PACRGL: variants seen among roughly 807,000 people sequenced by gnomAD.
The protein encoded by PACRGL is parkin coregulated like.
A neutral mutation model predicts 34.5 loss-of-function variants in PACRGL; 38 were observed. That is an observed-to-expected ratio of 1.10 (90% CI 0.85 to 1.44). The LOEUF (loss-of-function observed/expected upper bound fraction) is 1.44. PACRGL is among the 40% of genes most tolerant of loss of function. The pLI is 0.00. For missense variants in PACRGL, 305 were observed against 281.4 expected, an observed-to-expected ratio of 1.08 and a Z score of -0.60; for synonymous variants, 128 against 100.1, an observed-to-expected ratio of 1.28 and a Z score of -1.66.
chr4:20,719,781 T>C (rs1423652099), intron 7 of PACRGL, among the ~76,000 whole-genome samples: 2 of 151,830 alleles, frequency 1.3e-5, no homozygotes, highest in African/African-American at 4.9e-5. Context: ...AAGTGTGATG[T>C]GGTGCTGAGA....
chr4:20,732,600 T>C (rs777796305), downstream of PACRGL: 63 of 854,872 alleles, frequency 7.4e-5, no homozygotes, highest in Non-Finnish European at 1.2e-4. Flanking sequence ...TTGCTCTCTT[T>C]TGAATCATCG....
At chr4:20,735,434 G>T (rs1028302108), downstream of PACRGL, among the ~76,000 whole-genome samples, 3 of 151,314 alleles carry the variant, frequency 2.0e-5, no homozygotes, top group East Asian at 5.8e-4. Context: ...GTAAGTTTTT[G>T]TTAAGTAAAT....
At chr4:20,734,793 A>ACAAAAAAAAC, downstream of PACRGL, 1 of 981,856 alleles carries the variant, frequency 1.0e-6, no homozygotes, top group East Asian at 2.5e-5. Context: ...AAAAACAAAA[A>ACAAAAAAAAC]AAACAAATGA....
chr4:20,722,246 G>C (rs1026545100), intron 7 of PACRGL, among the ~76,000 whole-genome samples: 4 of 152,232 alleles, frequency 2.6e-5, no homozygotes, highest in African/African-American at 9.6e-5. Flanking sequence ...GGCTAGGAAA[G>C]GGAATTCCCT....
At chr4:20,726,558 T>C (rs1560374372) in intron 8 of PACRGL, among the ~76,000 whole-genome samples, 1 of 152,214 alleles carries the variant, frequency 6.6e-6, no homozygotes, top group Non-Finnish European at 1.5e-5. Context: ...AATGTTCTTC[T>C]TTCTCTTCTA....
intron 8 of PACRGL, among the ~76,000 whole-genome samples, chr4:20,725,688 A>G (rs994196443): frequency 3.2e-4 from 48 of 152,202 alleles, no homozygotes; most frequent in African/African-American, 7.2e-4. Context: ...ACCTGATCAT[A>G]TACAATTTTA....
intron 5 of PACRGL, among the ~76,000 whole-genome samples, chr4:20,710,125 T>C (rs1450178633): frequency 5.3e-5 from 8 of 152,176 alleles, no homozygotes; most frequent in Non-Finnish European, 1.0e-4. Context: ...AACTGTCAGA[T>C]AGTGGTAAGT....
At chr4:20,755,046 G>A (rs11939041), downstream of PACRGL, among the ~76,000 whole-genome samples, 153 of 152,174 alleles carry the variant, frequency 1.0e-3, 1 homozygote, top group African/African-American at 3.6e-3. Context: ...CATTAATGCA[G>A]ACAGTGAACT....
At chr4:20,763,047 G>T in the PACRGL span, among the ~76,000 whole-genome samples, 1 of 152,034 alleles carries the variant, frequency 6.6e-6, no homozygotes, top group East Asian at 1.9e-4. Flanking sequence ...GAACAGCATG[G>T]GGGAACTGCC....
chr4:20,743,148 T>C lies in PACRGL; in HGVS notation c.*57-9417T>C, dbSNP rs190062279. Among the ~76,000 whole-genome samples, 354 of 152,214 alleles carry C rather than the reference T, an allele frequency of 2.3e-3. 8 individuals are homozygous for C. The South Asian group carries it at 0.046, about 20-fold the overall frequency. ...CAAACAAATGGAAGAACATTCCATG[T>C]TCATGGATAGGAAGAATCCATATCG... On this transcript the variant is annotated intron_variant, in intron 8 of 8. Coordinates refer to the PACRGL transcript ENST00000507634.
intron 8 of PACRGL, among the ~76,000 whole-genome samples, chr4:20,742,629 G>T (rs1331089864): frequency 6.6e-6 from 1 of 152,116 alleles, no homozygotes; most frequent in Non-Finnish European, 1.5e-5. Context: ...GCAAAAACTG[G>T]ACTCATTCCC....
rs1438335296 is a variant in PACRGL at position 20,730,416 on chromosome 4, T to C, written c.*3075T>C. Among the ~76,000 whole-genome samples the C allele has an allele frequency of 6.6e-6, 1 of 152,164 alleles. No individual in the cohort carries two copies. The highest frequency in any genetic ancestry group is 1.9e-4 in the East Asian group (1 of 5,192). The stretch of plus-strand genomic sequence containing the variant: ...ATAGAGGATATTTCTCAAATCATAA[T>C]GCCAAAATGGAAACTACAGAGGTGC... On this transcript the variant is annotated 3_prime_UTR_variant, in exon 9 of 9. Coordinates refer to ENST00000503585, the MANE Select transcript of PACRGL (RefSeq NM_001258345.3).
downstream of PACRGL, among the ~76,000 whole-genome samples, chr4:20,755,000 C>T (rs1027922912): frequency 3.9e-5 from 6 of 151,992 alleles, no homozygotes; most frequent in Non-Finnish European, 7.4e-5. Flanking sequence ...TTTAGAAAAA[C>T]ATGAGGTAGT....
At chr4:20,701,878 C>T (rs942943578) in intron 1 of PACRGL, 5 of 456,144 alleles carry the variant, frequency 1.1e-5, no homozygotes, top group East Asian at 7.0e-5. Context: ...TGTAATTTGT[C>T]GTTAAGGTAA....
In PACRGL at chr4:20,731,456, G is replaced by T. The variant is rs1748179431; in HGVS notation, c.*4115G>T. On this transcript the variant is annotated 3_prime_UTR_variant, in exon 9 of 9. Coordinates refer to ENST00000503585, the MANE Select transcript of PACRGL (RefSeq NM_001258345.3). ...CTAACACTGGTTTCTTTGATAACAG[G>T]CTACTACCTGGAGTTCTCTTCAGAG... 1.0e-6 allele frequency: 1 copy of T among 985,036 alleles called. No homozygotes were observed. The highest frequency in any genetic ancestry group is 1.7e-5 in the African/African-American group (1 of 57,206). 61.0% of individuals were successfully genotyped at this position (985,036 alleles called of 1,614,324 possible). A position where few individuals can be genotyped will look rare whatever the true frequency, so the allele number is the denominator to read the frequency against.
At chr4:20,724,782 G>T in intron 7 of PACRGL, 26 bp from the exon 8 acceptor site, 2 of 1,342,372 alleles carry the variant, frequency 1.5e-6, no homozygotes, top group South Asian at 1.6e-5. Flanking sequence ...AAGTCATTTC[G>T]TTTCCCCCTA....
chr4:20,756,200 A>G (rs1754422152), downstream of PACRGL, among the ~76,000 whole-genome samples: 1 of 151,862 alleles, frequency 6.6e-6, no homozygotes, highest in Non-Finnish European at 1.5e-5. Flanking sequence ...TGGCAAGGTC[A>G]ATGGCAAAGT....
Position 20,727,433 on chromosome 4 carries a change from C to A in PACRGL, c.*92C>A. The A allele has an allele frequency of 9.5e-7, 1 of 1,053,100 alleles. No individual in the cohort carries two copies. Among genetic ancestry groups the A allele is most frequent in the Non-Finnish European group, 1.4e-6 (1 of 693,388 alleles). 65.2% of individuals were successfully genotyped at this position (1,053,100 alleles called of 1,614,324 possible). On this transcript the variant is annotated 3_prime_UTR_variant, in exon 9 of 9. Transcript: ENST00000503585. ...ATTTATTTTATTCTTTTGTAAATCA[C>A]AGCCACCATTCATTATTTACTAGGT...
chr4:20,741,884 G>A (rs372962586), intron 8 of PACRGL, among the ~76,000 whole-genome samples: 1 of 152,018 alleles, frequency 6.6e-6, no homozygotes. Context: ...ATGATAAAGG[G>A]GATATCACCA....
Sources: gnomAD v4.1 joint callset for allele counts (sites outside exome capture counted in the v4.1 genomes callset) on GRCh38, gnomAD v4.1.1 for gene constraint, MANE v1.5 for transcripts, NCBI Gene and HGNC (gene_info 2026-07-23, HGNC 2026-07-21) for gene names.